The following PPM1H variants were observed in gnomAD, a reference collection of about 807,000 sequenced individuals.
The protein encoded by PPM1H is protein phosphatase, Mg2+/Mn2+ dependent 1H.
In PPM1H, 27 loss-of-function variants were observed where a neutral mutation model predicts 54.9. The ratio of observed to expected loss-of-function variants is 0.49; its 90% confidence interval spans 0.36 to 0.68. PPM1H has a LOEUF of 0.68. PPM1H is among the 30% of genes least tolerant of loss of function. The pLI is 0.00. For synonymous variants in PPM1H, 305 were observed against 270.8 expected (o/e 1.13, Z -1.24); for missense variants, 596 against 667.8 (o/e 0.89, Z 1.19).
chr12:62,859,370 A>T (rs1179516822), intron 1 of PPM1H, among the ~76,000 whole-genome samples: 1 of 152,264 alleles, frequency 6.6e-6, no homozygotes, highest in Non-Finnish European at 1.5e-5. Flanking sequence ...CCGGCTCCAC[A>T]GGTAAAGCAA....
intron 3 of PPM1H, among the ~76,000 whole-genome samples, chr12:62,795,916 A>T (rs2076731169): frequency 6.6e-6 from 1 of 151,372 alleles, no homozygotes; most frequent in South Asian, 2.1e-4. Flanking sequence ...TTTAGTAGAG[A>T]CAGGGTTTCG....
chr12:62,754,728 T>A (rs1361762195), intron 4 of PPM1H, among the ~76,000 whole-genome samples: 1 of 152,236 alleles, frequency 6.6e-6, no homozygotes, highest in Non-Finnish European at 1.5e-5. Context: ...AAAGAAATGT[T>A]AAGCCATAGT....
intron 3 of PPM1H, among the ~76,000 whole-genome samples, chr12:62,799,776 T>C (rs1453045441): frequency 6.6e-6 from 1 of 152,222 alleles, no homozygotes; most frequent in Non-Finnish European, 1.5e-5. Flanking sequence ...AGAGATGGGG[T>C]TTTGCTGTGT....
intron 1 of PPM1H, among the ~76,000 whole-genome samples, chr12:62,870,382 T>C (rs1487606274): frequency 6.6e-6 from 1 of 151,946 alleles, no homozygotes; most frequent in Non-Finnish European, 1.5e-5. Context: ...CAGATTTTGC[T>C]CCAGACAAAG....
intron 4 of PPM1H, among the ~76,000 whole-genome samples, chr12:62,761,731 TC>T (rs1238579949): frequency 6.6e-6 from 1 of 151,806 alleles, no homozygotes; most frequent in Non-Finnish European, 1.5e-5. Context: ...GTTTAGGGAG[TC>T]CACACAGTGG....
intron 6 of PPM1H, among the ~76,000 whole-genome samples, chr12:62,701,397 T>C (rs973571149): frequency 2.1e-4 from 32 of 152,238 alleles, no homozygotes; most frequent in African/African-American, 7.7e-4. Context: ...GCAGCAGTTA[T>C]AGGACTTCTC....
At chr12:62,892,357 TC>T (rs144752832) in intron 1 of PPM1H, among the ~76,000 whole-genome samples, 2,148 of 152,308 alleles carry the variant, frequency 0.014, 49 homozygotes, top group African/African-American at 0.049. Context: ...TACCAATTTT[TC>T]CTGCTTTCAG....
At chr12:62,887,888 T>A (rs1870647783) in intron 1 of PPM1H, among the ~76,000 whole-genome samples, 1 of 151,976 alleles carries the variant, frequency 6.6e-6, no homozygotes, top group Admixed American at 6.6e-5. Context: ...TGGAGGCAAG[T>A]TTGCATGGTT....
At chr12:62,662,202 A>G (rs913956260) in intron 9 of PPM1H, among the ~76,000 whole-genome samples, 1 of 152,196 alleles carries the variant, frequency 6.6e-6, no homozygotes, top group African/African-American at 2.4e-5. Context: ...CAGCTTAGAC[A>G]CAGAAAAAAA....
chr12:62,752,169 T>C (rs1046545966), intron 4 of PPM1H, among the ~76,000 whole-genome samples: 6 of 152,256 alleles, frequency 3.9e-5, no homozygotes, highest in African/African-American at 1.4e-4. Context: ...TTTTCCCCAC[T>C]TGATAAATAC....
Position 62,844,788 on chromosome 12 carries a change from A to G in PPM1H, c.246-12509T>C, listed in dbSNP as rs1049709989. Among the ~76,000 whole-genome samples the G allele has an allele frequency of 6.6e-6, 1 of 152,266 alleles. No homozygotes were observed. The highest frequency in any genetic ancestry group is 6.5e-5 in the Admixed American group (1 of 15,282). On this transcript the variant is annotated intron_variant, in intron 1 of 9. Transcript: ENST00000228705. The surrounding 1 kb of genome is among the most constrained non-coding windows in gnomAD (Gnocchi z 5.2). The stretch of plus-strand genomic sequence containing the variant: ...TGAACTCATTTTGCCATAACACCCC[A>G]TGGGAGAGAGACTAGAATAATGACG...
chr12:62,677,498 T>C (rs2075994428), intron 8 of PPM1H, among the ~76,000 whole-genome samples: 1 of 152,184 alleles, frequency 6.6e-6, no homozygotes, highest in Non-Finnish European at 1.5e-5. Context: ...GGCACCACCA[T>C]GTTCCCCAGT....
chr12:62,829,423 T>A (rs1314300267), intron 2 of PPM1H, among the ~76,000 whole-genome samples: 2 of 152,172 alleles, frequency 1.3e-5, no homozygotes, highest in Non-Finnish European at 2.9e-5. Flanking sequence ...CTGGAGATGA[T>A]GAGGGTGATG....
intron 1 of PPM1H, among the ~76,000 whole-genome samples, chr12:62,890,465 G>A (rs991176327): frequency 6.6e-6 from 1 of 152,050 alleles, no homozygotes; most frequent in African/African-American, 2.4e-5. Context: ...TGTGCTTTCT[G>A]CTCAATTTTG....
chr12:62,731,927 T>C (rs918587419), intron 5 of PPM1H, among the ~76,000 whole-genome samples: 1 of 152,220 alleles, frequency 6.6e-6, no homozygotes, highest in East Asian at 1.9e-4. Flanking sequence ...GGCCACAGTA[T>C]CAGAACAGTA....
intron 1 of PPM1H, among the ~76,000 whole-genome samples, chr12:62,930,262 T>C (rs1329327913): frequency 6.6e-6 from 1 of 152,234 alleles, no homozygotes; most frequent in Non-Finnish European, 1.5e-5. Context: ...GACATACACT[T>C]ATATGATATA....
At chr12:62,786,734 TGACCTGA>T (rs1405585939) in intron 4 of PPM1H, among the ~76,000 whole-genome samples, 2 of 152,216 alleles carry the variant, frequency 1.3e-5, no homozygotes, top group Middle Eastern at 3.2e-3. Context: ...GTCAGAACCC[TGACCTGA>T]GACATGGGAA....
At chr12:62,697,526 G>A (rs151155038) in intron 6 of PPM1H, among the ~76,000 whole-genome samples, 11 of 152,026 alleles carry the variant, frequency 7.2e-5, no homozygotes, top group South Asian at 4.2e-4. Context: ...GGCCATCTAA[G>A]TTCTGGCCCA....
At chr12:62,882,057 AAAGT>A (rs1870415582) in intron 1 of PPM1H, among the ~76,000 whole-genome samples, 1 of 152,250 alleles carries the variant, frequency 6.6e-6, no homozygotes, top group African/African-American at 2.4e-5. Context: ...TCTCAAAAAC[AAAGT>A]AAGTCAAATA....
Sources: allele counts gnomAD v4.1 joint callset (sites outside exome capture counted in the v4.1 genomes callset), GRCh38; gene constraint gnomAD v4.1.1; non-coding constraint Gnocchi (gnomAD v3.1); transcripts MANE v1.5; gene names NCBI Gene and HGNC (gene_info 2026-07-23, HGNC 2026-07-21).